Variants in CERKL observed in about 807,000 individuals in gnomAD.
The protein encoded by CERKL is CERK like autophagy regulator.
A neutral mutation model predicts 63.4 loss-of-function variants in CERKL; 61 were observed. The observed-to-expected ratio is 0.96, with a 90% CI of 0.78 to 1.19. CERKL has a LOEUF of 1.19. CERKL is among the 50% of genes most tolerant of loss of function. The probability of loss-of-function intolerance (pLI) is 0.00; values close to 1 mark genes in which losing one functional copy is unlikely to be tolerated. For missense variants in CERKL, 675 were observed against 655.5 expected, an observed-to-expected ratio of 1.03 and a Z score of -0.33; for synonymous variants, 250 against 230.5, an observed-to-expected ratio of 1.08 and a Z score of -0.77.
chr2:181,589,648 T>C (rs1449253), intron 2 of CERKL, among the ~76,000 whole-genome samples: 30,054 of 152,092 alleles, frequency 0.2, 5,021 homozygotes, highest in African/African-American at 0.46. Context: ...CAATACCTTC[T>C]ACCATACAAA....
intron 1 of CERKL, among the ~76,000 whole-genome samples, chr2:181,608,184 T>C (rs150951678): frequency 6.6e-6 from 1 of 151,896 alleles, no homozygotes; most frequent in African/African-American, 2.4e-5. Flanking sequence ...TTTTTTTTTT[T>C]AAGAGTTGCC....
intron 5 of CERKL, among the ~76,000 whole-genome samples, chr2:181,555,625 A>C (rs986447748): frequency 2.0e-5 from 3 of 151,892 alleles, no homozygotes; most frequent in African/African-American, 7.3e-5. Context: ...CAAAATATGA[A>C]TTTTTTTCAA....
In CERKL at chr2:181,538,010, T is replaced by C. The variant is rs1379196107; in HGVS notation, c.*174A>G. 1 of 685,796 alleles carries C rather than the reference T, an allele frequency of 1.5e-6. No individual in the cohort carries two copies. Among genetic ancestry groups the C allele is most frequent in the Non-Finnish European group, 2.7e-6 (1 of 365,574 alleles). The allele number at this position is 685,796 out of a possible 1,614,324, so 42.5% of individuals were successfully genotyped here. On this transcript the variant is annotated 3_prime_UTR_variant, in exon 13 of 13. Transcript: ENST00000410087. Reference sequence around the variant, plus strand: ...TGCCATGTTCCTCAAGAGAATCTAATGCCTGATGATCTGAGGTGGAACAGT... The same window carrying C: ...TGCCATGTTCCTCAAGAGAATCTAACGCCTGATGATCTGAGGTGGAACAGT...
At position 181,563,333 on chromosome 2, in the gene CERKL, T is replaced by TA. The variant is rs559547543; in HGVS notation, c.677+2724dup. Among the ~76,000 whole-genome samples the TA allele has an allele frequency of 8.6e-5, 13 of 151,996 alleles. No individual in the cohort carries two copies. In the South Asian group the frequency reaches 2.5e-3, roughly 29 times the overall value. On this transcript the variant is annotated intron_variant, in intron 4 of 12. Transcript: ENST00000410087. The stretch of plus-strand genomic sequence containing the variant: ...TCTCATAGAAACATATGTAATTCAT[T>TA]AAAAAAAATAAATACAACTCCAAAA...
chr2:181,612,934 C>T (rs1162885567), intron 1 of CERKL, among the ~76,000 whole-genome samples: 1 of 152,148 alleles, frequency 6.6e-6, no homozygotes, highest in Middle Eastern at 3.4e-3. Flanking sequence ...GTACCATACA[C>T]GTTTACAATG....
chr2:181,622,170 T>C (rs1161008222), intron 1 of CERKL, among the ~76,000 whole-genome samples: 1 of 152,218 alleles, frequency 6.6e-6, no homozygotes, highest in Admixed American at 6.5e-5. Context: ...AACATCATAC[T>C]ATATAAATGT....
intron 1 of CERKL, among the ~76,000 whole-genome samples, chr2:181,618,640 G>A (rs1179110294): frequency 6.6e-6 from 1 of 152,042 alleles, no homozygotes; most frequent in Non-Finnish European, 1.5e-5. Context: ...TCGAACTCCT[G>A]ACCTCAAGTG....
chr2:181,654,006 T>C (rs954499326), intron 1 of CERKL, among the ~76,000 whole-genome samples: 1 of 152,210 alleles, frequency 6.6e-6, no homozygotes, highest in African/African-American at 2.4e-5. Flanking sequence ...AAACATCAAA[T>C]AGTATCTCAT....
intron 11 of CERKL, among the ~76,000 whole-genome samples, chr2:181,543,957 C>G (rs1051620504): frequency 3.0e-5 from 4 of 135,440 alleles, no homozygotes; most frequent in African/African-American, 5.6e-5. Flanking sequence ...GCACTCCAGC[C>G]TGGGTGACAC....
At chr2:181,563,462 C>A (rs958607864) in intron 4 of CERKL, among the ~76,000 whole-genome samples, 27 of 152,236 alleles carry the variant, frequency 1.8e-4, no homozygotes, top group African/African-American at 6.5e-4. Flanking sequence ...CAGCCTGTAT[C>A]TAGAAACCAA....
intron 1 of CERKL, among the ~76,000 whole-genome samples, chr2:181,606,090 G>A (rs969675731): frequency 1.1e-4 from 16 of 148,392 alleles, no homozygotes; most frequent in African/African-American, 4.0e-4. Context: ...GAAAGAGAAA[G>A]AAAGAAAAAG....
At chr2:181,638,466 A>C (rs768048594) in intron 1 of CERKL, among the ~76,000 whole-genome samples, 7 of 152,232 alleles carry the variant, frequency 4.6e-5, no homozygotes, top group Non-Finnish European at 1.0e-4. Context: ...TAAAAATCCA[A>C]AATGTGACAA....
chr2:181,537,124 TAAA>T lies in CERKL; in HGVS notation c.*1057_*1059del. The T allele has an allele frequency of 2.2e-6, 1 of 453,140 alleles. No homozygotes were observed. Among genetic ancestry groups the T allele is most frequent in the South Asian group, 1.6e-5 (1 of 64,324 alleles). The allele number at this position is 453,140 out of a possible 1,614,324, so 28.1% of individuals were successfully genotyped here. On this transcript the variant is annotated 3_prime_UTR_variant, in exon 13 of 13. Coordinates refer to ENST00000410087, the MANE Select transcript of CERKL (RefSeq NM_201548.5). ...AAACTTTATGACATTTATGTATTTT[TAAA>T]AAACTTTGTATCGTTATAAAAAGGC...
At chr2:181,594,372 G>A (rs115047943) in intron 2 of CERKL, among the ~76,000 whole-genome samples, 53 of 152,274 alleles carry the variant, frequency 3.5e-4, no homozygotes, top group African/African-American at 1.2e-3. Context: ...GGTTTGCTCA[G>A]GTACAGTTAG....
Position 181,547,822 on chromosome 2 carries a change from C to T in CERKL, c.1159G>A (p.Asp387Asn), listed in dbSNP as rs1687796971. 8.7e-6 allele frequency: 14 copies of T among 1,613,956 alleles called. No homozygotes were observed. The highest frequency in any genetic ancestry group is 1.2e-5 in the Non-Finnish European group (14 of 1,179,984). Reference protein sequence around the residue: ...ERRAQGSPKSDCNDQWQMIQG... With the variant: ...ERRAQGSPKSNCNDQWQMIQG... ...CTCAAGGAGATACTTTTCGACTCACCAGATTTGGGAGATCCCTGTGCCCTC... is the reference window on the plus strand; with the variant it reads ...CTCAAGGAGATACTTTTCGACTCACTAGATTTGGGAGATCCCTGTGCCCTC... The change falls in exon 9 of 13, where the codon GAC (aspartate) becomes AAC (asparagine). Residue 387 changes from aspartate (D) to asparagine (N), a missense_variant and splice_region_variant. Asp to Asn is a conservative substitution (Grantham distance 23, BLOSUM62 1). Coordinates refer to ENST00000410087, the MANE Select transcript of CERKL (RefSeq NM_201548.5).
Position 181,576,266 on chromosome 2 carries a change from C to T in CERKL, c.482-2382G>A, listed in dbSNP as rs1684209666. Among the ~76,000 whole-genome samples, 6 of 152,258 alleles carry T rather than the reference C, an allele frequency of 3.9e-5. No homozygotes were observed. The South Asian group carries it at 1.2e-3, about 32-fold the overall frequency. On this transcript the variant is annotated intron_variant, in intron 2 of 12. Coordinates refer to ENST00000410087, the MANE Select transcript of CERKL (RefSeq NM_201548.5). ...TAATTACTGATTCAGGTAAGAATCACCAATGGGTGCCAAAGCCATCCAGTG... is the reference window on the plus strand; with the variant it reads ...TAATTACTGATTCAGGTAAGAATCATCAATGGGTGCCAAAGCCATCCAGTG...
intron 1 of CERKL, among the ~76,000 whole-genome samples, chr2:181,648,948 A>G (rs1687784587): frequency 6.6e-6 from 1 of 152,204 alleles, no homozygotes; most frequent in Non-Finnish European, 1.5e-5. Flanking sequence ...TAGAAGGAAA[A>G]CAAAGCTTAG....
chr2:181,586,308 ACT>A (rs1261486292), intron 2 of CERKL, among the ~76,000 whole-genome samples: 1 of 152,126 alleles, frequency 6.6e-6, no homozygotes, highest in East Asian at 1.9e-4. Flanking sequence ...GGTACAAATA[ACT>A]CTCTGGAAAA....
chr2:181,559,226 C>T (rs1688333360), intron 4 of CERKL, among the ~76,000 whole-genome samples: 1 of 152,112 alleles, frequency 6.6e-6, no homozygotes, highest in Admixed American at 6.6e-5. Flanking sequence ...ACCTGAATTT[C>T]ATCTCCTTGA....
Sources: gnomAD v4.1 joint callset for allele counts (sites outside exome capture counted in the v4.1 genomes callset) on GRCh38, gnomAD v4.1.1 for gene constraint, MANE v1.5 for transcripts, NCBI Gene and HGNC (gene_info 2026-07-23, HGNC 2026-07-21) for gene names.